The following RIOK1 variants were observed in gnomAD, a reference collection of about 807,000 sequenced individuals.
RIOK1 encodes RIO kinase 1, also known as serine/threonine-protein kinase RIO1.
RIOK1 carries 66 observed loss-of-function variants against 73.5 expected under a neutral mutation model. That is an observed-to-expected ratio of 0.90 (90% CI 0.74 to 1.10). The LOEUF (loss-of-function observed/expected upper bound fraction) is 1.10, where lower values mean the gene tolerates loss of function less well. Among genes scored for constraint, RIOK1 ranks in the 50% least tolerant of loss-of-function variants. The pLI, the probability that RIOK1 is intolerant of heterozygous loss-of-function variation, is 0.00. For missense variants in RIOK1, 658 were observed against 699.8 expected (o/e 0.94, Z 0.67); for synonymous variants, 224 against 226.8 (o/e 0.99, Z 0.11).
At chr6:7,403,726 G>A (rs1309008254) in intron 8 of RIOK1, among the ~76,000 whole-genome samples, 1 of 151,690 alleles carries the variant, frequency 6.6e-6, no homozygotes, top group Non-Finnish European at 1.5e-5. Flanking sequence ...CAGGTTATGG[G>A]ATGTAATAGT....
intron 6 of RIOK1, among the ~76,000 whole-genome samples, chr6:7,401,779 A>G (rs892906270): frequency 6.7e-6 from 1 of 150,148 alleles, no homozygotes; most frequent in Non-Finnish European, 1.5e-5. Context: ...CTCGGGTACA[A>G]GCAATTTTCC....
chr6:7,390,199 A>G, intron 1 of RIOK1, 126 bp downstream of exon 1: 1 of 784,882 alleles, frequency 1.3e-6, no homozygotes, highest in Non-Finnish European at 2.0e-6. Context: ...CTCTCTTGAC[A>G]ACCCTTTGCC....
Position 7,393,303 on chromosome 6 carries a change from G to A in RIOK1, c.276G>A (p.Gln92=), listed in dbSNP as rs769278383. 6.8e-6 allele frequency: 11 copies of A among 1,613,556 alleles called. No homozygotes were observed. The highest frequency in any genetic ancestry group is 1.7e-5 in the Admixed American group (1 of 59,992). Residue 92 remains glutamine (Q), a splice_region_variant and synonymous_variant, in exon 2 of 17, where the codon CAG becomes CAA. Transcript: ENST00000379834. ...TCTGGAATGGAGGAAGCAACCCACAGGTATTTTATAAAGGATCCTGCACAT... is the reference window on the plus strand; with the variant it reads ...TCTGGAATGGAGGAAGCAACCCACAAGTATTTTATAAAGGATCCTGCACAT... The part of the protein sequence containing the change: ...GYVWNGGSNP[Q]ANRQTSDSSS...
intron 5 of RIOK1, among the ~76,000 whole-genome samples, chr6:7,399,568 C>T (rs926912683): frequency 5.3e-5 from 8 of 152,196 alleles, no homozygotes; most frequent in Admixed American, 4.6e-4. Flanking sequence ...TGATAGAGTA[C>T]ATAGCTGGAG....
At chr6:7,401,709 G>A (rs1165906957) in intron 6 of RIOK1, among the ~76,000 whole-genome samples, 1 of 42,534 alleles carries the variant, frequency 2.4e-5, no homozygotes, top group African/African-American at 8.6e-5. Context: ...TTTTTTTTTT[G>A]AGACAGTCTC....
At position 7,404,414 on chromosome 6, in the gene RIOK1, C is replaced by G. The variant is rs1364640905; in HGVS notation, c.855-4C>G. Reference sequence around the variant, plus strand: ...TCATTTTATCTTAGTTCTTTTCATTCAAGGCCTGCACCACTCTTGAAAAAT... The same window carrying G: ...TCATTTTATCTTAGTTCTTTTCATTGAAGGCCTGCACCACTCTTGAAAAAT... On this transcript the variant is annotated splice_polypyrimidine_tract_variant and splice_region_variant and intron_variant, in intron 9 of 16. Coordinates refer to ENST00000379834, the MANE Select transcript of RIOK1 (RefSeq NM_031480.3). 1 of 1,613,826 alleles carries G rather than the reference C, an allele frequency of 6.2e-7. No individual in the cohort carries two copies. The highest frequency in any genetic ancestry group is 1.7e-5 in the Admixed American group (1 of 59,996).
intron 12 of RIOK1, among the ~76,000 whole-genome samples, chr6:7,407,275 C>T (rs895165083): frequency 8.5e-5 from 13 of 152,268 alleles, no homozygotes; most frequent in African/African-American, 2.6e-4. Context: ...GGGTTTTAAT[C>T]GCTCCACATC....
At chr6:7,400,440 C>T (rs1436564828) in intron 5 of RIOK1, among the ~76,000 whole-genome samples, 1 of 152,136 alleles carries the variant, frequency 6.6e-6, no homozygotes, top group Non-Finnish European at 1.5e-5. Context: ...TGTGGCCAGT[C>T]TGAATTGAGA....
rs372646900 is a variant in RIOK1 at position 7,414,379 on chromosome 6, A to G, written c.1585A>G (p.Ile529Val). 195 of 1,601,286 alleles carry G rather than the reference A, an allele frequency of 1.2e-4. No homozygotes were observed. Among genetic ancestry groups the G allele is most frequent in the Middle Eastern group, 1.7e-4 (1 of 6,014 alleles). The part of the protein sequence containing the change: ...RPKKHTTDPD[I>V]DKKERKKMVK... ...CAAGAAACACACCACGGACCCTGAC[A>G]TTGATAAAAAAGTAAGCAATGAAAT... is the stretch of plus-strand genomic sequence containing the variant. The change falls in exon 16 of 17, where the codon ATT becomes GTT. Residue 529 changes from isoleucine (I) to valine (V), a missense_variant. Ile to Val is a conservative substitution (Grantham distance 29). Coordinates refer to ENST00000379834, the MANE Select transcript of RIOK1 (RefSeq NM_031480.3).
intron 9 of RIOK1, 123 bp from the exon 10 acceptor site, chr6:7,404,295 T>C: frequency 8.6e-7 from 1 of 1,164,046 alleles, no homozygotes; most frequent in South Asian, 1.5e-5. Flanking sequence ...TTATGTGCAT[T>C]GAGACAGATT....
At chr6:7,395,229 G>T (rs1381519968) in intron 3 of RIOK1, 86 bp downstream of exon 3, 3 of 1,463,250 alleles carry the variant, frequency 2.1e-6, no homozygotes, top group Non-Finnish European at 2.8e-6. Flanking sequence ...ATCAAGAAAT[G>T]AAGGCTGGCC....
chr6:7,390,025 T>G lies in RIOK1; in HGVS notation c.23T>G (p.Met8Arg), dbSNP rs1761286829. 13 of 1,555,696 alleles carry G rather than the reference T, an allele frequency of 8.4e-6. No homozygotes were observed. Among genetic ancestry groups the G allele is most frequent in the Non-Finnish European group, 1.1e-5 (13 of 1,149,810 alleles). The change falls in exon 1 of 17, where the codon ATG becomes AGG. Residue 8 changes from methionine to arginine, a missense_variant. Met to Arg is a moderately conservative substitution (Grantham distance 91, BLOSUM62 -1). Transcript: ENST00000379834. ...GTCATGGACTACCGGCGGCTTCTCA[T>G]GAGCCGGGTGGTCCCCGGGCAATTC... MDYRRLLMSRVVPGQFDD... is the reference protein window; with the variant it reads MDYRRLLRSRVVPGQFDD...
intron 1 of RIOK1, among the ~76,000 whole-genome samples, chr6:7,392,673 C>T (rs1761369997): frequency 6.6e-6 from 1 of 152,118 alleles, no homozygotes; most frequent in Non-Finnish European, 1.5e-5. Context: ...GTGTGAACCG[C>T]TGCACCAGCC....
chr6:7,410,008 G>A (rs113132105), intron 12 of RIOK1, among the ~76,000 whole-genome samples: 6 of 152,208 alleles, frequency 3.9e-5, no homozygotes, highest in African/African-American at 1.2e-4. Flanking sequence ...TCCCTTCGCC[G>A]ACTGCTCAGG....
intron 1 of RIOK1, among the ~76,000 whole-genome samples, chr6:7,390,773 T>C (rs1212356089): frequency 6.6e-6 from 1 of 152,178 alleles, no homozygotes; most frequent in African/African-American, 2.4e-5. Flanking sequence ...TTACAAGTGA[T>C]GGTGAAAAGT....
chr6:7,409,213 TTG>T (rs58234662), intron 12 of RIOK1, among the ~76,000 whole-genome samples: 16,041 of 87,834 alleles, frequency 0.18, 1,048 homozygotes, highest in Non-Finnish European at 0.21. Context: ...TCCCGACTAA[TTG>T]TGTGTGTGTG....
chr6:7,404,799 C>T, intron 10 of RIOK1, 119 bp from the exon 11 acceptor site: 1 of 962,432 alleles, frequency 1.0e-6, no homozygotes, highest in Non-Finnish European at 1.6e-6. Context: ...ATTGCCTCAT[C>T]TTATCTACCT....
chr6:7,400,427 A>G (rs1761582134), intron 5 of RIOK1, among the ~76,000 whole-genome samples: 1 of 152,174 alleles, frequency 6.6e-6, no homozygotes, highest in Admixed American at 6.5e-5. Flanking sequence ...TGGGCACTTG[A>G]GATGTGGCCA....
In RIOK1 at chr6:7,404,437, A is replaced by G; in HGVS notation, c.874A>G (p.Asn292Asp). 1 of 1,614,122 alleles carries G rather than the reference A, an allele frequency of 6.2e-7. No homozygotes were observed. The highest frequency in any genetic ancestry group is 2.2e-5 in the East Asian group (1 of 44,874). The change falls in exon 10 of 17, where the codon AAT becomes GAT. Residue 292 changes from asparagine (N) to aspartate (D), a missense_variant. Physicochemically the swap from Asn to Asp is conservative, Grantham distance 23. Coordinates refer to ENST00000379834, the MANE Select transcript of RIOK1 (RefSeq NM_031480.3). The part of the protein sequence containing the change: ...KDDMPAPLLK[N>D]VQLSESKARE... ...TTCAAGGCCTGCACCACTCTTGAAA[A>G]ATGTCCAGTTATCAGAATCCAAGGC...
Sources: allele counts gnomAD v4.1 joint callset (sites outside exome capture counted in the v4.1 genomes callset), GRCh38; gene constraint gnomAD v4.1.1; transcripts MANE v1.5; gene names NCBI Gene and HGNC (gene_info 2026-07-23, HGNC 2026-07-21).